The following KCNAB1 variants were observed in gnomAD, a reference collection of about 807,000 sequenced individuals.
The protein encoded by KCNAB1 is voltage-gated potassium channel subunit beta-1.
KCNAB1 carries 35 observed loss-of-function variants against 64.6 expected under a neutral mutation model. The observed-to-expected ratio is 0.54, with a 90% CI of 0.41 to 0.72. The LOEUF (loss-of-function observed/expected upper bound fraction) is 0.72. Ranked by LOEUF, KCNAB1 falls within the 30% of genes least tolerant of loss-of-function variation. The pLI, the probability that KCNAB1 is intolerant of heterozygous loss-of-function variation, is 0.00. For synonymous variants in KCNAB1, 177 were observed against 183.8 expected, an observed-to-expected ratio of 0.96 and a Z score of 0.30; for missense variants, 401 against 512.9, an observed-to-expected ratio of 0.78 and a Z score of 2.11.
intron 1 of KCNAB1, among the ~76,000 whole-genome samples, chr3:156,327,888 G>A (rs956143995): frequency 1.3e-5 from 2 of 151,958 alleles, no homozygotes; most frequent in South Asian, 2.1e-4. Flanking sequence ...CATAGCTTTC[G>A]TGTCTCCCTC....
chr3:156,443,159 C>A (rs1717129059), intron 2 of KCNAB1, among the ~76,000 whole-genome samples: 1 of 152,140 alleles, frequency 6.6e-6, no homozygotes. Context: ...AGGTATTAAG[C>A]ACCACATGCA....
At chr3:156,291,332 G>A (rs1057337838) in intron 1 of KCNAB1, 107 of 989,594 alleles carry the variant, frequency 1.1e-4, no homozygotes, top group Non-Finnish European at 1.2e-4. Flanking sequence ...GACAGCCGGA[G>A]TGGATGGAGA....
At chr3:156,335,853 G>GGTTTTT (rs1553848761) in intron 1 of KCNAB1, among the ~76,000 whole-genome samples, 15 of 135,302 alleles carry the variant, frequency 1.1e-4, no homozygotes, top group African/African-American at 4.1e-4. Flanking sequence ...AATTGTTTGG[G>GGTTTTT]TTTTTTTTTT....
At chr3:156,519,201 T>C (rs1717771962) in intron 11 of KCNAB1, among the ~76,000 whole-genome samples, 1 of 152,224 alleles carries the variant, frequency 6.6e-6, no homozygotes, top group East Asian at 1.9e-4. Flanking sequence ...ACTTAATCTT[T>C]TTAAAATATT....
chr3:156,198,554 GT>G (rs1428624372), intron 1 of KCNAB1, among the ~76,000 whole-genome samples: 1 of 149,874 alleles, frequency 6.7e-6, no homozygotes, highest in Non-Finnish European at 1.5e-5. Flanking sequence ...GCCCTTCTTG[GT>G]CTTTTTGGAT....
intron 1 of KCNAB1, among the ~76,000 whole-genome samples, chr3:156,257,870 C>T (rs369856036): frequency 5.9e-5 from 9 of 152,060 alleles, no homozygotes; most frequent in East Asian, 1.9e-4. Flanking sequence ...CTGGGAGCAG[C>T]GGAAGAAGGG....
At chr3:156,209,847 A>G (rs1442503422) in intron 1 of KCNAB1, among the ~76,000 whole-genome samples, 1 of 152,254 alleles carries the variant, frequency 6.6e-6, no homozygotes, top group Non-Finnish European at 1.5e-5. Context: ...ACATTTCTCC[A>G]GAATGGCAGA....
chr3:156,224,852 C>A (rs749237234), intron 1 of KCNAB1, among the ~76,000 whole-genome samples: 1 of 152,146 alleles, frequency 6.6e-6, no homozygotes, highest in Non-Finnish European at 1.5e-5. Context: ...GGAGAAATAA[C>A]CTCCTGGATT....
intron 1 of KCNAB1, chr3:156,176,820 G>A (rs978861703): frequency 3.3e-6 from 3 of 906,650 alleles, no homozygotes; most frequent in South Asian, 1.4e-5. Flanking sequence ...TCCAGGGCCC[G>A]ATCCCGCCAC....
At chr3:156,285,112 G>A (rs1196387101) in intron 1 of KCNAB1, among the ~76,000 whole-genome samples, 1 of 152,074 alleles carries the variant, frequency 6.6e-6, no homozygotes, top group Non-Finnish European at 1.5e-5. Flanking sequence ...AATAAACAAG[G>A]GATAAGAAAG....
chr3:156,148,382 G>A (rs1269342703), intron 1 of KCNAB1, among the ~76,000 whole-genome samples: 1 of 152,222 alleles, frequency 6.6e-6, no homozygotes, highest in African/African-American at 2.4e-5. Context: ...CTTAGAAAGT[G>A]CTGGTACATA....
At chr3:156,393,197 G>A (rs1713172316) in intron 1 of KCNAB1, among the ~76,000 whole-genome samples, 1 of 152,150 alleles carries the variant, frequency 6.6e-6, no homozygotes, top group South Asian at 2.1e-4. Flanking sequence ...CAGGATGGTG[G>A]GAACTTGTCT....
At chr3:156,456,497 A>G (rs992576072) in intron 3 of KCNAB1, among the ~76,000 whole-genome samples, 2 of 152,258 alleles carry the variant, frequency 1.3e-5, no homozygotes, top group African/African-American at 4.8e-5. Flanking sequence ...AAAAGCAGTA[A>G]TAGCATACTA....
intron 1 of KCNAB1, among the ~76,000 whole-genome samples, chr3:156,125,268 A>G (rs1328357212): frequency 6.6e-6 from 1 of 152,218 alleles, no homozygotes; most frequent in Non-Finnish European, 1.5e-5. Flanking sequence ...GGTGTATTTA[A>G]GGCCTATGAA....
At chr3:156,309,069 T>G (rs572239790) in intron 1 of KCNAB1, among the ~76,000 whole-genome samples, 1 of 152,330 alleles carries the variant, frequency 6.6e-6, no homozygotes, top group Admixed American at 6.5e-5. Flanking sequence ...CCCTCCAGTT[T>G]CAAAACTGGA....
intron 6 of KCNAB1, among the ~76,000 whole-genome samples, 183 bp downstream of exon 6, chr3:156,463,929 G>A (rs1263508982): frequency 6.6e-6 from 1 of 151,904 alleles, no homozygotes; most frequent in African/African-American, 2.4e-5. Flanking sequence ...TTTTAGCAAG[G>A]TAATCCCAAA....
At chr3:156,235,135 G>A (rs1307685849) in intron 1 of KCNAB1, among the ~76,000 whole-genome samples, 1 of 152,110 alleles carries the variant, frequency 6.6e-6, no homozygotes, top group South Asian at 2.1e-4. Context: ...TTTATTTGCT[G>A]GTAGAAAGGA....
At chr3:156,383,639 C>T (rs1324193182) in intron 1 of KCNAB1, among the ~76,000 whole-genome samples, 1 of 152,146 alleles carries the variant, frequency 6.6e-6, no homozygotes, top group Non-Finnish European at 1.5e-5. Context: ...CACCCTGATA[C>T]TTGGCAAAGT....
rs553248618 is a variant in KCNAB1, at chr3:156,496,480, C to T, written c.659-17884C>T. Among the ~76,000 whole-genome samples the T allele has an allele frequency of 1.1e-4, 16 of 152,274 alleles. No homozygotes were observed. In the South Asian group the frequency reaches 3.1e-3, roughly 30 times the overall value. ...CCTTCGCTCCTCCTTTGCCTTCCAC[C>T]GTAAGAGTGAGGCTTCTCCAGCCAT... On this transcript the variant is annotated intron_variant, in intron 8 of 13. Coordinates refer to ENST00000490337, the MANE Select transcript of KCNAB1 (RefSeq NM_172160.3).
Sources: gnomAD v4.1 joint callset for allele counts (sites outside exome capture counted in the v4.1 genomes callset) on GRCh38, gnomAD v4.1.1 for gene constraint, MANE v1.5 for transcripts, NCBI Gene and HGNC (gene_info 2026-07-23, HGNC 2026-07-21) for gene names.